FOCAD: variants seen among roughly 807,000 people sequenced by gnomAD.
The protein encoded by FOCAD is focadhesin.
FOCAD carries 198 observed loss-of-function variants against 225.6 expected under a neutral mutation model. That is an observed-to-expected ratio of 0.88 (90% CI 0.78 to 0.99). The LOEUF (loss-of-function observed/expected upper bound fraction) is 0.99. Among genes scored for constraint, FOCAD ranks in the 50% least tolerant of loss-of-function variants. FOCAD has a pLI of 0.00. For missense variants in FOCAD, 2,713 were observed against 2,123.6 expected (o/e 1.28, Z -5.46); for synonymous variants, 897 against 755.0 (o/e 1.19, Z -3.08).
intron 11 of FOCAD, among the ~76,000 whole-genome samples, chr9:20,791,220 C>T (rs1587176938): frequency 1.1e-5 from 1 of 93,262 alleles, no homozygotes; most frequent in African/African-American, 3.7e-5. Context: ...TATATGCATG[C>T]ACACACACAC....
At chr9:20,832,051 T>C (rs1825547993) in intron 15 of FOCAD, among the ~76,000 whole-genome samples, 2 of 152,132 alleles carry the variant, frequency 1.3e-5, no homozygotes, top group African/African-American at 2.4e-5. Context: ...TTTTTAGGGT[T>C]GAGTAATACT....
chr9:20,965,885 A>G (rs1839210441), intron 35 of FOCAD, among the ~76,000 whole-genome samples: 1 of 152,178 alleles, frequency 6.6e-6, no homozygotes, highest in African/African-American at 2.4e-5. Context: ...TTATTGCTGA[A>G]TAAAAATCCA....
intron 23 of FOCAD, among the ~76,000 whole-genome samples, chr9:20,914,819 A>C (rs1042844632): frequency 6.6e-6 from 1 of 152,204 alleles, no homozygotes; most frequent in African/African-American, 2.4e-5. Flanking sequence ...TATGTTGAAA[A>C]TACACCCTGC....
intron 28 of FOCAD, among the ~76,000 whole-genome samples, chr9:20,938,107 T>C (rs1007395696): frequency 3.3e-5 from 5 of 152,012 alleles, no homozygotes; most frequent in African/African-American, 1.2e-4. Flanking sequence ...TGTGGAGAAA[T>C]AGGAACACTT....
intron 15 of FOCAD, among the ~76,000 whole-genome samples, chr9:20,823,482 G>C (rs975415929): frequency 6.6e-6 from 1 of 152,026 alleles, no homozygotes; most frequent in Non-Finnish European, 1.5e-5. Context: ...AGAAATTGTC[G>C]TTGGCCAGTG....
intron 1 of FOCAD, among the ~76,000 whole-genome samples, chr9:20,690,188 G>T (rs772022787): frequency 6.6e-6 from 1 of 152,172 alleles, no homozygotes; most frequent in Non-Finnish European, 1.5e-5. Context: ...CTGACCTAGA[G>T]TCTGTTTCTA....
chr9:20,822,479 G>A (rs901596331), intron 14 of FOCAD, among the ~76,000 whole-genome samples: 2 of 151,930 alleles, frequency 1.3e-5, no homozygotes, highest in Admixed American at 1.3e-4. Flanking sequence ...ACAGTGCCTG[G>A]CATGAGATAG....
At chr9:20,883,839 C>T (rs1370370832) in intron 20 of FOCAD, among the ~76,000 whole-genome samples, 2 of 152,204 alleles carry the variant, frequency 1.3e-5, no homozygotes, top group African/African-American at 4.8e-5. Flanking sequence ...AGTATTTAAA[C>T]TTCCAACTCA....
At chr9:20,665,166 A>G (rs552692078) in intron 2 of FOCAD, among the ~76,000 whole-genome samples, 17 of 152,328 alleles carry the variant, frequency 1.1e-4, no homozygotes, top group African/African-American at 4.1e-4. Context: ...TGCTAAAGAA[A>G]AAGAAAAACC....
intron 21 of FOCAD, among the ~76,000 whole-genome samples, chr9:20,892,602 G>A (rs1831712307): frequency 6.6e-6 from 1 of 152,080 alleles, no homozygotes; most frequent in Non-Finnish European, 1.5e-5. Flanking sequence ...CTACCGTCAT[G>A]AGGAGTTGCT....
At position 20,872,483 on chromosome 9, in the gene FOCAD, C is replaced by T. The variant is rs574080811; in HGVS notation, c.2191-2198C>T. On this transcript the variant is annotated intron_variant, in intron 18 of 43. Coordinates refer to ENST00000338382, the MANE Select transcript of FOCAD (RefSeq NM_001375567.1). ...TCTGGTGGTGGCAGTGACTTTTCCC[C>T]GACTCCCCACCCCCCCTTACTCTTT... Among the ~76,000 whole-genome samples, 3 of 150,996 alleles carry T rather than the reference C, an allele frequency of 2.0e-5. 1 individual carries two copies. Among genetic ancestry groups the T allele is most frequent in the African/African-American group, 7.3e-5 (3 of 40,992 alleles).
chr9:20,863,989 T>C (rs559181077), intron 16 of FOCAD, among the ~76,000 whole-genome samples: 1 of 152,142 alleles, frequency 6.6e-6, no homozygotes, highest in African/African-American at 2.4e-5. Flanking sequence ...TTTGGTATCT[T>C]ATACTAGGGT....
chr9:20,966,589 C>T (rs10811440), intron 35 of FOCAD, among the ~76,000 whole-genome samples: 46,004 of 151,912 alleles, frequency 0.3, 8,189 homozygotes, highest in East Asian at 0.43. Context: ...AATCCATTGC[C>T]AAATCCAAGG....
intron 35 of FOCAD, among the ~76,000 whole-genome samples, chr9:20,967,484 C>T (rs1242077353): frequency 2.0e-5 from 3 of 152,078 alleles, no homozygotes; most frequent in Admixed American, 2.0e-4. Flanking sequence ...GTCTTCCTTT[C>T]CAATCTGAAT....
At chr9:20,882,795 A>T (rs1302033769) in intron 20 of FOCAD, among the ~76,000 whole-genome samples, 1 of 152,210 alleles carries the variant, frequency 6.6e-6, no homozygotes, top group East Asian at 1.9e-4. Context: ...TATTTGCGAC[A>T]TTTTGAAGCT....
At chr9:20,988,775 A>T (rs1381348768) in intron 41 of FOCAD, among the ~76,000 whole-genome samples, 2 of 152,106 alleles carry the variant, frequency 1.3e-5, no homozygotes, top group African/African-American at 2.4e-5. Flanking sequence ...AGAGAACCCA[A>T]GCTCCTGTGT....
chr9:20,906,635 A>C (rs1352335862), intron 21 of FOCAD, among the ~76,000 whole-genome samples: 1 of 152,068 alleles, frequency 6.6e-6, no homozygotes, highest in Admixed American at 6.6e-5. Flanking sequence ...AGTGGTGTGC[A>C]CAATTGCTGT....
intron 11 of FOCAD, among the ~76,000 whole-genome samples, chr9:20,791,219 G>GCACACACACA (rs563531943): frequency 2.8e-5 from 3 of 106,718 alleles, no homozygotes; most frequent in Admixed American, 1.2e-4. Flanking sequence ...ATATATGCAT[G>GCACACACACA]CACACACACA....
At chr9:20,822,056 G>A (rs921857331) in intron 14 of FOCAD, among the ~76,000 whole-genome samples, 1 of 143,178 alleles carries the variant, frequency 7.0e-6, no homozygotes, top group African/African-American at 2.6e-5. Flanking sequence ...AGAATTGGGA[G>A]TTTGAATTTT....
Sources: allele counts gnomAD v4.1 joint callset (sites outside exome capture counted in the v4.1 genomes callset), GRCh38; gene constraint gnomAD v4.1.1; transcripts MANE v1.5; gene names NCBI Gene and HGNC (gene_info 2026-07-23, HGNC 2026-07-21).